Variants in MAGI2 observed in about 807,000 individuals in gnomAD.
MAGI2 encodes the protein membrane-associated guanylate kinase, WW and PDZ domain-containing protein 2.
Under a neutral mutation model 133.3 loss-of-function variants are expected in MAGI2, and 35 were observed. The observed-to-expected ratio is 0.26, with a 90% CI of 0.20 to 0.35. The LOEUF (loss-of-function observed/expected upper bound fraction) is 0.35. Among genes scored for constraint, MAGI2 ranks in the 10% least tolerant of loss-of-function variants. The probability of loss-of-function intolerance (pLI) is 1.00; values close to 1 mark genes in which losing one functional copy is unlikely to be tolerated. For missense variants in MAGI2, 1,636 were observed against 1,863.4 expected (o/e 0.88, Z 2.25); for synonymous variants, 729 against 710.6 (o/e 1.03, Z -0.41).
intron 1 of MAGI2, among the ~76,000 whole-genome samples, chr7:79,357,326 G>C (rs1842087286): frequency 6.6e-6 from 1 of 152,066 alleles, no homozygotes; most frequent in Admixed American, 6.5e-5. Context: ...ACTGAACCAG[G>C]CATCTTATGC....
At position 78,662,895 on chromosome 7, in the gene MAGI2, C is replaced by T. The variant is rs62470077; in HGVS notation, c.419-35656G>A. Among the ~76,000 whole-genome samples the T allele has an allele frequency of 5.3e-3, 806 of 152,280 alleles. 4 individuals are homozygous for T. Among genetic ancestry groups the T allele is most frequent in the Non-Finnish European group, 6.6e-3 (449 of 68,030 alleles). On this transcript the variant is annotated intron_variant, in intron 2 of 21. Transcript: ENST00000354212. The stretch of plus-strand genomic sequence containing the variant: ...GCTGACATTTACTGAGTACCTACTA[C>T]GTACCAGTCATGCCTTAAATAATTT...
chr7:78,735,331 G>A (rs184779007), intron 2 of MAGI2, among the ~76,000 whole-genome samples: 86 of 152,288 alleles, frequency 5.6e-4, no homozygotes, highest in Non-Finnish European at 1.0e-3. Flanking sequence ...AGAAATGGGT[G>A]TCTACAGATC....
intron 1 of MAGI2, among the ~76,000 whole-genome samples, chr7:79,031,203 A>G (rs1008252908): frequency 6.6e-6 from 1 of 151,996 alleles, no homozygotes; most frequent in Non-Finnish European, 1.5e-5. Flanking sequence ...TCCTCACTCT[A>G]TCTCCCACAA....
intron 15 of MAGI2, among the ~76,000 whole-genome samples, chr7:78,165,605 G>A (rs1459933875): frequency 1.3e-5 from 2 of 152,106 alleles, no homozygotes; most frequent in Non-Finnish European, 2.9e-5. Context: ...ACACAGCACT[G>A]CTCCTCTGTG....
At chr7:79,301,584 G>A (rs1475313502) in intron 1 of MAGI2, among the ~76,000 whole-genome samples, 1 of 152,224 alleles carries the variant, frequency 6.6e-6, no homozygotes, top group East Asian at 1.9e-4. Context: ...CTCATAGGTA[G>A]AAAGACTTGC....
chr7:79,072,560 CTGA>C (rs1212025186), intron 1 of MAGI2, among the ~76,000 whole-genome samples: 1 of 152,102 alleles, frequency 6.6e-6, no homozygotes, highest in Non-Finnish European at 1.5e-5. Context: ...ATCATAGGAA[CTGA>C]TGATATCAAC....
intron 6 of MAGI2, among the ~76,000 whole-genome samples, chr7:78,472,494 A>G (rs4730322): frequency 0.057 from 8,749 of 152,172 alleles, 460 homozygotes; most frequent in African/African-American, 0.12. Context: ...TTTTTTAATA[A>G]TAAGAAAAAA....
At chr7:78,536,028 C>T (rs1334970676) in intron 3 of MAGI2, among the ~76,000 whole-genome samples, 2 of 151,108 alleles carry the variant, frequency 1.3e-5, no homozygotes, top group African/African-American at 4.9e-5. Context: ...CCCCGATCCC[C>T]AGATTTTCAG....
At chr7:78,578,816 C>T (rs1019382534) in intron 3 of MAGI2, among the ~76,000 whole-genome samples, 1 of 152,178 alleles carries the variant, frequency 6.6e-6, no homozygotes, top group African/African-American at 2.4e-5. Context: ...GGCATTATCC[C>T]TCGGGGTTGA....
chr7:79,419,401 G>A (rs1277178276), intron 1 of MAGI2, among the ~76,000 whole-genome samples: 3 of 152,124 alleles, frequency 2.0e-5, no homozygotes, highest in African/African-American at 7.2e-5. Context: ...ATGAAAGACA[G>A]TAAGAAAAAG....
intron 2 of MAGI2, among the ~76,000 whole-genome samples, chr7:78,723,774 AG>A (rs1477083502): frequency 1.3e-5 from 2 of 152,294 alleles, no homozygotes; most frequent in Admixed American, 1.3e-4. Flanking sequence ...AATACATGAC[AG>A]GGAGTTTCTA....
At chr7:79,010,637 A>T (rs948121944) in intron 1 of MAGI2, among the ~76,000 whole-genome samples, 7 of 152,082 alleles carry the variant, frequency 4.6e-5, no homozygotes, top group African/African-American at 1.7e-4. Flanking sequence ...TGCACACATC[A>T]ATCGTTTTGT....
intron 6 of MAGI2, among the ~76,000 whole-genome samples, chr7:78,471,656 T>C (rs182582586): frequency 6.6e-6 from 1 of 152,234 alleles, no homozygotes; most frequent in Non-Finnish European, 1.5e-5. Context: ...GCTGGGCTTG[T>C]GGCTCATGCC....
At chr7:78,569,236 G>A (rs1801258533) in intron 3 of MAGI2, among the ~76,000 whole-genome samples, 1 of 151,918 alleles carries the variant, frequency 6.6e-6, no homozygotes, top group Non-Finnish European at 1.5e-5. Context: ...TTTATATAGT[G>A]TTTCATTTCT....
chr7:78,784,311 A>G (rs1826634495), intron 2 of MAGI2, among the ~76,000 whole-genome samples: 1 of 152,056 alleles, frequency 6.6e-6, no homozygotes, highest in Non-Finnish European at 1.5e-5. Context: ...AGACCTCAGA[A>G]GCAGCCTCAG....
In MAGI2 at chr7:78,804,763, A is replaced by AAAC. The variant is rs1554576107; in HGVS notation, c.419-177525_419-177524insGTT. On this transcript the variant is annotated intron_variant, in intron 2 of 21. Coordinates refer to ENST00000354212, the MANE Select transcript of MAGI2 (RefSeq NM_012301.4). ...GACTCTGTCTCAAAAAAAAAAAAAA[A>AAAC]AAAAAAAAACCTTTGGCCCTTTGGC... Among the ~76,000 whole-genome samples the AAAC allele has an allele frequency of 6.2e-3, 902 of 146,436 alleles. 11 individuals carry two copies. The highest frequency in any genetic ancestry group is 0.021 in the African/African-American group (810 of 38,804).
chr7:78,791,541 C>CTTTT (rs553315100), intron 2 of MAGI2, among the ~76,000 whole-genome samples: 2 of 133,008 alleles, frequency 1.5e-5, no homozygotes, highest in African/African-American at 2.8e-5. Flanking sequence ...GAGAAACAAT[C>CTTTT]TTTTTTTTTT....
chr7:78,369,290 A>G, intron 6 of MAGI2, 77 bp from the exon 7 acceptor site: 1 of 1,047,802 alleles, frequency 9.5e-7, no homozygotes, highest in Non-Finnish European at 1.4e-6. Context: ...TTAATTGTTC[A>G]TGGATTGCAG....
intron 6 of MAGI2, among the ~76,000 whole-genome samples, chr7:78,447,409 T>C (rs1286464561): frequency 2.0e-5 from 3 of 151,220 alleles, no homozygotes; most frequent in African/African-American, 7.3e-5. Context: ...TGGTCTCAAA[T>C]ATAAAATGGC....
Sources: gnomAD v4.1 joint callset for allele counts (sites outside exome capture counted in the v4.1 genomes callset) on GRCh38, gnomAD v4.1.1 for gene constraint, MANE v1.5 for transcripts, NCBI Gene and HGNC (gene_info 2026-07-23, HGNC 2026-07-21) for gene names.